The following CIRSR variants were observed in gnomAD, a reference collection of about 807,000 sequenced individuals.
The protein encoded by CIRSR is corepressor of RBPJ and splicing regulator, also known as CBF1 (RBPJ) interacting corepressor 1.
At chr2:174,388,660 C>A in the CIRSR span, among the ~76,000 whole-genome samples, 1 of 152,064 alleles carries the variant, frequency 6.6e-6, no homozygotes, top group Admixed American at 6.6e-5. Flanking sequence ...ATACCACATT[C>A]TTCTTATATA....
chr2:174,351,808 C>T, the CIRSR span: 4 of 942,614 alleles, frequency 4.2e-6, no homozygotes, highest in Admixed American at 1.1e-4. Context: ...GCAGTTGAAG[C>T]TTTGTTAAGT....
chr2:174,380,814 T>G, the CIRSR span: 1 of 1,593,886 alleles, frequency 6.3e-7, no homozygotes, highest in East Asian at 2.2e-5. Context: ...CTCTTTGTTT[T>G]CTTGATTGCA....
the CIRSR span, chr2:174,380,200 G>C: frequency 1.9e-6 from 3 of 1,585,336 alleles, no homozygotes; most frequent in Non-Finnish European, 2.6e-6. Context: ...TGTGTCACTT[G>C]CCTGAATACC....
the CIRSR span, chr2:174,379,168 A>C: frequency 1.5e-6 from 1 of 661,458 alleles, no homozygotes; most frequent in Non-Finnish European, 2.6e-6. Flanking sequence ...AAAAGACTCC[A>C]AACTATGTTT....
At chr2:174,352,191 C>T in the CIRSR span, among the ~76,000 whole-genome samples, 31 of 145,314 alleles carry the variant, frequency 2.1e-4, no homozygotes, top group Non-Finnish European at 9.0e-5. Context: ...AATACATTGC[C>T]AAGTGGTTGC....
the CIRSR span, among the ~76,000 whole-genome samples, chr2:174,384,742 AAT>A: frequency 6.7e-6 from 1 of 150,088 alleles, no homozygotes; most frequent in Admixed American, 6.6e-5. Flanking sequence ...GAAAAAAAAT[AAT>A]AATAAAACCC....
chr2:174,372,079 G>C, the CIRSR span, among the ~76,000 whole-genome samples: 1 of 151,984 alleles, frequency 6.6e-6, no homozygotes, highest in African/African-American at 2.4e-5. Flanking sequence ...ACAGAATTTT[G>C]ATTTTGATTT....
At chr2:174,393,154 A>T in the CIRSR span, among the ~76,000 whole-genome samples, 1 of 152,246 alleles carries the variant, frequency 6.6e-6, no homozygotes, top group African/African-American at 2.4e-5. Flanking sequence ...AAGGGAGTTT[A>T]CAGTGATGCA....
the CIRSR span, among the ~76,000 whole-genome samples, chr2:174,349,890 T>C: frequency 6.6e-6 from 1 of 152,164 alleles, no homozygotes; most frequent in African/African-American, 2.4e-5. Context: ...TACTATTTTA[T>C]AGTATATAAA....
chr2:174,351,599 A>G, the CIRSR span: 1 of 1,584,922 alleles, frequency 6.3e-7, no homozygotes, highest in Non-Finnish European at 8.6e-7. Flanking sequence ...TTTTCAGCTT[A>G]CTGATAAAAA....
the CIRSR span, among the ~76,000 whole-genome samples, chr2:174,384,309 T>A: frequency 2.0e-5 from 3 of 152,238 alleles, no homozygotes; most frequent in African/African-American, 4.8e-5. Context: ...ATGAGGCATT[T>A]AGAATAGGCA....
chr2:174,365,704 C>T, the CIRSR span, among the ~76,000 whole-genome samples: 4 of 152,130 alleles, frequency 2.6e-5, no homozygotes, highest in Non-Finnish European at 2.9e-5. Flanking sequence ...TCTCATGAGA[C>T]GTATTCACTG....
At chr2:174,381,214 T>C in the CIRSR span, among the ~76,000 whole-genome samples, 2 of 152,188 alleles carry the variant, frequency 1.3e-5, no homozygotes, top group African/African-American at 4.8e-5. Flanking sequence ...TAGAAAGATA[T>C]TTTTTAGTAT....
At chr2:174,378,753 T>A in the CIRSR span, 1 of 642,616 alleles carries the variant, frequency 1.6e-6, no homozygotes, top group South Asian at 1.7e-5. Flanking sequence ...TCAACATATA[T>A]GATCAGAGTT....
the CIRSR span, among the ~76,000 whole-genome samples, chr2:174,377,220 A>C: frequency 1.3e-5 from 2 of 152,240 alleles, no homozygotes; most frequent in African/African-American, 2.4e-5. Context: ...CAGATATAAC[A>C]ACAAATCCCT....
At chr2:174,356,360 A>G in the CIRSR span, among the ~76,000 whole-genome samples, 1 of 151,940 alleles carries the variant, frequency 6.6e-6, no homozygotes, top group Non-Finnish European at 1.5e-5. Context: ...CCCAGCTACT[A>G]GAGAGGGTGA....
At chr2:174,375,224 A>G in the CIRSR span, among the ~76,000 whole-genome samples, 1 of 152,186 alleles carries the variant, frequency 6.6e-6, no homozygotes, top group South Asian at 2.1e-4. Flanking sequence ...CTAGGTAAAA[A>G]GGTATGCATG....
the CIRSR span, among the ~76,000 whole-genome samples, chr2:174,356,019 A>G: frequency 1.3e-5 from 2 of 151,910 alleles, no homozygotes; most frequent in African/African-American, 4.8e-5. Context: ...TGATCCACCC[A>G]CCTCGGCCTC....
chr2:174,391,762 T>A, the CIRSR span, among the ~76,000 whole-genome samples: 1 of 152,174 alleles, frequency 6.6e-6, no homozygotes, highest in African/African-American at 2.4e-5. Flanking sequence ...CTTACATTCA[T>A]ACAATGGAAT....
Sources: allele counts gnomAD v4.1 joint callset (sites outside exome capture counted in the v4.1 genomes callset), GRCh38; gene constraint gnomAD v4.1.1; transcripts MANE v1.5; gene names NCBI Gene and HGNC (gene_info 2026-07-23, HGNC 2026-07-21).